TBC1D12: variants seen among roughly 807,000 people sequenced by gnomAD.
TBC1D12 encodes TBC1 domain family member 12.
TBC1D12 carries 56 observed loss-of-function variants against 86.7 expected under a neutral mutation model. The observed-to-expected ratio is 0.65, with a 90% CI of 0.52 to 0.81. TBC1D12 has a LOEUF of 0.81. Ranked by LOEUF, TBC1D12 falls within the 30% of genes least tolerant of loss-of-function variation. The pLI is 0.00. For synonymous variants in TBC1D12, 421 were observed against 411.7 expected, an observed-to-expected ratio of 1.02 and a Z score of -0.27; for missense variants, 1,023 against 1,038.8, an observed-to-expected ratio of 0.98 and a Z score of 0.21.
At chr10:94,495,351 T>G (rs2056301401) in intron 4 of TBC1D12, among the ~76,000 whole-genome samples, 1 of 152,150 alleles carries the variant, frequency 6.6e-6, no homozygotes, top group African/African-American at 2.4e-5. Flanking sequence ...AGTTATTTTG[T>G]AGAGATGATG....
chr10:94,498,258 T>A (rs941301461), intron 5 of TBC1D12, among the ~76,000 whole-genome samples: 43 of 152,202 alleles, frequency 2.8e-4, no homozygotes, highest in African/African-American at 9.6e-4. Context: ...ATTTTTAAAG[T>A]GTTTATCTCA....
At chr10:94,450,472 G>A (rs549681448) in intron 2 of TBC1D12, among the ~76,000 whole-genome samples, 1 of 152,058 alleles carries the variant, frequency 6.6e-6, no homozygotes, top group East Asian at 1.9e-4. Flanking sequence ...TAGCTAATAG[G>A]ACAGTATATC....
At chr10:94,489,204 C>T (rs1316600816) in intron 3 of TBC1D12, among the ~76,000 whole-genome samples, 3 of 152,218 alleles carry the variant, frequency 2.0e-5, no homozygotes, top group African/African-American at 4.8e-5. Context: ...GGCGCTTCCC[C>T]TCTGGCTAGT....
At chr10:94,508,993 G>T (rs2056494924) in intron 7 of TBC1D12, 1 of 151,990 alleles carries the variant, frequency 6.6e-6, no homozygotes, top group Admixed American at 6.6e-5. Flanking sequence ...TAGGCAGTTC[G>T]ATTAAGGGCT....
intron 1 of TBC1D12, among the ~76,000 whole-genome samples, chr10:94,417,669 A>C (rs2055016497): frequency 6.6e-6 from 1 of 152,112 alleles, no homozygotes; most frequent in African/African-American, 2.4e-5. Flanking sequence ...CAGTATACTT[A>C]TCAGCCATTT....
intron 3 of TBC1D12, among the ~76,000 whole-genome samples, chr10:94,487,394 G>A (rs1027511546): frequency 6.7e-5 from 10 of 150,290 alleles, no homozygotes; most frequent in South Asian, 2.1e-4. Context: ...CTCTTCTTTC[G>A]TTCCTTCCAG....
At chr10:94,408,622 C>G in intron 1 of TBC1D12, among the ~76,000 whole-genome samples, 1 of 152,084 alleles carries the variant, frequency 6.6e-6, no homozygotes, top group East Asian at 1.9e-4. Context: ...AGAATTTGTG[C>G]TAGTTGACAA....
chr10:94,481,314 A>T (rs2056075311), intron 3 of TBC1D12, among the ~76,000 whole-genome samples: 1 of 151,354 alleles, frequency 6.6e-6, no homozygotes. Flanking sequence ...AAAATACTAG[A>T]TGGCATCTTT....
chr10:94,415,825 G>GATA (rs1454525955), intron 1 of TBC1D12, among the ~76,000 whole-genome samples: 1 of 152,132 alleles, frequency 6.6e-6, no homozygotes, highest in Non-Finnish European at 1.5e-5. Flanking sequence ...ATAACTGGAG[G>GATA]ATAATGCCCA....
chr10:94,426,978 T>A (rs1306852391), intron 1 of TBC1D12, among the ~76,000 whole-genome samples: 4 of 152,208 alleles, frequency 2.6e-5, no homozygotes, highest in Non-Finnish European at 5.9e-5. Flanking sequence ...TTTCAGCACA[T>A]TCACAGAGTT....
intron 2 of TBC1D12, among the ~76,000 whole-genome samples, chr10:94,455,250 G>A (rs1257719790): frequency 6.6e-6 from 1 of 151,796 alleles, no homozygotes; most frequent in Non-Finnish European, 1.5e-5. Flanking sequence ...CTTGGTCATG[G>A]TATAGAATTC....
At chr10:94,445,188 G>A (rs936982929) in intron 2 of TBC1D12, among the ~76,000 whole-genome samples, 7 of 151,140 alleles carry the variant, frequency 4.6e-5, no homozygotes, top group Non-Finnish European at 1.0e-4. Flanking sequence ...GTGAAACCCC[G>A]TCTCTACTAA....
chr10:94,442,945 CT>C lies in TBC1D12; in HGVS notation c.1095+933del, dbSNP rs199998023. On this transcript the variant is annotated intron_variant, in intron 2 of 12. Transcript: ENST00000225235. ...TTTAAAAACATTATTGTAGTTAATT[CT>C]TTTTTTCTTCTTTTTGCATTTGAAT... 7.6e-3 allele frequency among the ~76,000 whole-genome samples: 1,157 copies of C among 152,164 alleles called. 16 individuals are homozygous for C. Among genetic ancestry groups the C allele is most frequent in the African/African-American group, 0.027 (1,107 of 41,514 alleles).
At chr10:94,423,077 G>A (rs1246694451) in intron 1 of TBC1D12, among the ~76,000 whole-genome samples, 2 of 152,116 alleles carry the variant, frequency 1.3e-5, no homozygotes, top group East Asian at 3.8e-4. Context: ...TCTAGCCTGG[G>A]TGACAGAATG....
chr10:94,412,571 T>C (rs2054941351), intron 1 of TBC1D12, among the ~76,000 whole-genome samples: 1 of 152,256 alleles, frequency 6.6e-6, no homozygotes, highest in African/African-American at 2.4e-5. Flanking sequence ...TTTTATTGTC[T>C]TAAGGAACTT....
At chr10:94,426,875 C>T (rs571882712) in intron 1 of TBC1D12, among the ~76,000 whole-genome samples, 9 of 152,112 alleles carry the variant, frequency 5.9e-5, no homozygotes, top group Admixed American at 1.3e-4. Context: ...CACAGGTGGC[C>T]TGATTTTTTT....
At chr10:94,418,665 G>A (rs1356802499) in intron 1 of TBC1D12, among the ~76,000 whole-genome samples, 6 of 150,384 alleles carry the variant, frequency 4.0e-5, no homozygotes, top group Admixed American at 2.0e-4. Flanking sequence ...TCTGCCTCCC[G>A]GGTTCAAGTG....
chr10:94,500,879 A>C (rs543576708), intron 6 of TBC1D12, among the ~76,000 whole-genome samples: 1 of 152,066 alleles, frequency 6.6e-6, no homozygotes, highest in South Asian at 2.1e-4. Context: ...AACATAGCGA[A>C]ACCCTGTCTC....
At chr10:94,515,197 G>A (rs1265029663) in intron 9 of TBC1D12, among the ~76,000 whole-genome samples, 1 of 148,550 alleles carries the variant, frequency 6.7e-6, no homozygotes, top group Admixed American at 6.7e-5. Context: ...GTGAGCCACC[G>A]CGCCCGGCCG....
Sources: allele counts gnomAD v4.1 joint callset (sites outside exome capture counted in the v4.1 genomes callset), GRCh38; gene constraint gnomAD v4.1.1; transcripts MANE v1.5; gene names NCBI Gene and HGNC (gene_info 2026-07-23, HGNC 2026-07-21).